Variants in GAS2 observed in about 807,000 individuals in gnomAD.
GAS2 encodes the protein growth arrest specific 2, also known as growth arrest-specific protein 2.
Under a neutral mutation model 37.5 loss-of-function variants are expected in GAS2, and 20 were observed. The observed-to-expected ratio is 0.53, with a 90% CI of 0.37 to 0.77. The LOEUF (loss-of-function observed/expected upper bound fraction) is 0.77. Among genes scored for constraint, GAS2 ranks in the 30% least tolerant of loss-of-function variants. GAS2 has a pLI of 0.00. For synonymous variants in GAS2, 144 were observed against 132.2 expected (o/e 1.09, Z -0.61); for missense variants, 336 against 373.4 (o/e 0.90, Z 0.82).
chr11:22,630,263 G>T (rs967028868), intron 1 of GAS2, among the ~76,000 whole-genome samples: 1 of 152,010 alleles, frequency 6.6e-6, no homozygotes, highest in Middle Eastern at 3.2e-3. Context: ...TGTTCTCATT[G>T]TTCAGTTCCC....
intron 1 of GAS2, among the ~76,000 whole-genome samples, chr11:22,671,264 T>G (rs576540220): frequency 3.9e-5 from 6 of 152,128 alleles, no homozygotes; most frequent in Non-Finnish European, 8.8e-5. Context: ...ATTAAGTTTC[T>G]GCATGTTTTT....
chr11:22,644,836 T>A (rs1848670470), intron 1 of GAS2, among the ~76,000 whole-genome samples: 1 of 152,136 alleles, frequency 6.6e-6, no homozygotes, highest in Non-Finnish European at 1.5e-5. Context: ...CTGGCCAGGC[T>A]ACTCTTGAAC....
At chr11:22,782,740 AAT>A (rs1855615295) in intron 7 of GAS2, among the ~76,000 whole-genome samples, 7 of 128,590 alleles carry the variant, frequency 5.4e-5, no homozygotes, top group South Asian at 2.3e-4. Context: ...AAAAAAAAAA[AAT>A]AATAATAATA....
chr11:22,680,538 A>G (rs547596936), intron 2 of GAS2, among the ~76,000 whole-genome samples: 1 of 152,302 alleles, frequency 6.6e-6, no homozygotes, highest in East Asian at 1.9e-4. Flanking sequence ...GGATGAAAAT[A>G]GAATTTGATA....
chr11:22,767,717 G>T (rs928494751), intron 7 of GAS2, among the ~76,000 whole-genome samples: 1 of 152,148 alleles, frequency 6.6e-6, no homozygotes, highest in African/African-American at 2.4e-5. Context: ...ATAGGATGTA[G>T]CTGGATTCAG....
chr11:22,730,921 C>T (rs1454100908), intron 4 of GAS2, among the ~76,000 whole-genome samples: 3 of 151,588 alleles, frequency 2.0e-5, no homozygotes, highest in Admixed American at 6.6e-5. Context: ...AATTTAACCA[C>T]GTTTTCTAAA....
chr11:22,640,914 T>C (rs1323258130), intron 1 of GAS2, among the ~76,000 whole-genome samples: 1 of 152,128 alleles, frequency 6.6e-6, no homozygotes, highest in Non-Finnish European at 1.5e-5. Flanking sequence ...TTCAAATTAG[T>C]GTGTCCTAAA....
At chr11:22,716,818 G>C (rs929149738) in intron 3 of GAS2, among the ~76,000 whole-genome samples, 3 of 151,940 alleles carry the variant, frequency 2.0e-5, no homozygotes, top group African/African-American at 4.8e-5. Context: ...CAAAATCAAG[G>C]TACACAAATC....
chr11:22,778,419 G>A (rs1176611003), intron 7 of GAS2, among the ~76,000 whole-genome samples: 2 of 152,202 alleles, frequency 1.3e-5, no homozygotes, highest in Admixed American at 6.5e-5. Context: ...GTAATTTTGA[G>A]TTCTAATAAA....
intron 7 of GAS2, among the ~76,000 whole-genome samples, chr11:22,780,639 A>G (rs34684546): frequency 0.37 from 55,335 of 151,230 alleles, 10,859 homozygotes; most frequent in South Asian, 0.57. Flanking sequence ...AAAGAAGGTA[A>G]AAGATTGCTT....
chr11:22,811,034 C>T (rs1240378897), intron 7 of GAS2, among the ~76,000 whole-genome samples: 1 of 152,018 alleles, frequency 6.6e-6, no homozygotes, highest in East Asian at 1.9e-4. Context: ...CTGATATTTG[C>T]AAGAAGCCGA....
intron 5 of GAS2, among the ~76,000 whole-genome samples, chr11:22,744,667 A>G (rs1185311767): frequency 6.6e-6 from 1 of 152,140 alleles, no homozygotes; most frequent in African/African-American, 2.4e-5. Flanking sequence ...AATAAGAACC[A>G]TCTATGACAA....
intron 7 of GAS2, among the ~76,000 whole-genome samples, chr11:22,759,434 T>C (rs2134356178): frequency 6.6e-6 from 1 of 152,322 alleles, no homozygotes; most frequent in East Asian, 1.9e-4. Flanking sequence ...CCTCTGAGGA[T>C]TTAGGAAAAC....
intron 3 of GAS2, among the ~76,000 whole-genome samples, chr11:22,688,096 A>G (rs981134038): frequency 3.9e-5 from 6 of 152,228 alleles, no homozygotes; most frequent in African/African-American, 1.4e-4. Context: ...GCATTAGCCT[A>G]TAGGTCAAAG....
chr11:22,690,867 TC>T (rs1165898798), intron 3 of GAS2, among the ~76,000 whole-genome samples: 1 of 152,096 alleles, frequency 6.6e-6, no homozygotes, highest in East Asian at 1.9e-4. Context: ...GTATATTTGC[TC>T]TCTTTCCCCC....
At chr11:22,731,007 C>A (rs1169744964) in intron 4 of GAS2, among the ~76,000 whole-genome samples, 1 of 151,726 alleles carries the variant, frequency 6.6e-6, no homozygotes, top group Non-Finnish European at 1.5e-5. Flanking sequence ...TGTTTTCAAG[C>A]TTAAAAAGAG....
intron 7 of GAS2, among the ~76,000 whole-genome samples, chr11:22,801,918 A>T (rs1048405668): frequency 1.1e-4 from 17 of 152,240 alleles, no homozygotes; most frequent in Admixed American, 8.5e-4. Flanking sequence ...TAATTAAAAC[A>T]CATAATTAAG....
rs151128642 is a variant in GAS2, at chr11:22,644,571, A to G, written c.-21+18758A>G. Among the ~76,000 whole-genome samples, 724 of 152,262 alleles carry G rather than the reference A, an allele frequency of 4.8e-3. 5 individuals are homozygous for G. Among genetic ancestry groups the G allele is most frequent in the African/African-American group, 0.017 (686 of 41,566 alleles). On this transcript the variant is annotated intron_variant, in intron 1 of 5. Coordinates refer to the GAS2 transcript ENST00000528582. ...TTAATGCTATAATTTCTGAATTTGC[A>G]TATATTATTTAAACAGATACGTTGA...
At chr11:22,652,316 C>T (rs1264841392) in intron 1 of GAS2, among the ~76,000 whole-genome samples, 3 of 152,330 alleles carry the variant, frequency 2.0e-5, no homozygotes, top group South Asian at 4.1e-4. Context: ...AACCACTGCT[C>T]TCTTCAAAGC....
Sources: allele counts gnomAD v4.1 joint callset (sites outside exome capture counted in the v4.1 genomes callset), GRCh38; gene constraint gnomAD v4.1.1; transcripts MANE v1.5; gene names NCBI Gene and HGNC (gene_info 2026-07-23, HGNC 2026-07-21).